The following ELOVL5 variants were observed in gnomAD, a reference collection of about 807,000 sequenced individuals.
The protein encoded by ELOVL5 is ELOVL fatty acid elongase 5, also known as very long chain fatty acid elongase 5.
A neutral mutation model predicts 38.6 loss-of-function variants in ELOVL5; 8 were observed. That is an observed-to-expected ratio of 0.21 (90% CI 0.12 to 0.37). The LOEUF is 0.37. ELOVL5 is among the 10% of genes least tolerant of loss of function. The pLI is 1.00. For synonymous variants in ELOVL5, 127 were observed against 133.7 expected, an observed-to-expected ratio of 0.95 and a Z score of 0.34; for missense variants, 280 against 367.8, an observed-to-expected ratio of 0.76 and a Z score of 1.95.
chr6:53,282,167 A>G (rs533272340), intron 3 of ELOVL5, among the ~76,000 whole-genome samples: 1 of 152,350 alleles, frequency 6.6e-6, no homozygotes, highest in Admixed American at 6.5e-5. Context: ...ATCTTAGGCA[A>G]ATGTTAAGTA....
Position 53,294,596 on chromosome 6 carries a change from A to T in ELOVL5, c.58+1046T>A, listed in dbSNP as rs1766919254. 4 of 1,382,670 alleles carry T rather than the reference A, an allele frequency of 2.9e-6. 1 individual carries two copies. The South Asian group carries it at 5.1e-5, about 18-fold the overall frequency. The allele number at this position is 1,382,670 out of a possible 1,614,324, so 85.7% of individuals were successfully genotyped here. ...GCTCCACCTGGTAATGCAAGCTAAT[A>T]ATTATTATTATTATTTTAGCCATTT... On this transcript the variant is annotated intron_variant, in intron 2 of 7. Transcript: ENST00000304434.
intron 3 of ELOVL5, among the ~76,000 whole-genome samples, chr6:53,287,556 G>GA (rs1433987059): frequency 2.6e-5 from 4 of 151,818 alleles, no homozygotes; most frequent in South Asian, 4.2e-4. Flanking sequence ...GAGGCTGGGA[G>GA]AAAAAAAAAT....
At chr6:53,269,623 C>T (rs1299709925) in intron 7 of ELOVL5, among the ~76,000 whole-genome samples, 3 of 152,216 alleles carry the variant, frequency 2.0e-5, no homozygotes, top group Non-Finnish European at 1.5e-5. Flanking sequence ...CACCTGGCAG[C>T]AGCTCTCTTG....
intron 1 of ELOVL5, among the ~76,000 whole-genome samples, chr6:53,317,276 G>T (rs1768089046): frequency 6.6e-6 from 1 of 152,162 alleles, no homozygotes; most frequent in African/African-American, 2.4e-5. Context: ...GTCTCTCCAA[G>T]AGAACCAGAT....
intron 1 of ELOVL5, among the ~76,000 whole-genome samples, chr6:53,339,437 C>T (rs1370107210): frequency 6.6e-6 from 1 of 152,210 alleles, no homozygotes; most frequent in Non-Finnish European, 1.5e-5. Context: ...GCCTGAACAC[C>T]ATGGCCCAGC....
At chr6:53,348,063 C>T (rs556245407) in intron 1 of ELOVL5, among the ~76,000 whole-genome samples, 18 of 151,644 alleles carry the variant, frequency 1.2e-4, no homozygotes, top group South Asian at 6.3e-4. Flanking sequence ...ACCGCTCCCG[C>T]CTCTCCAGGG....
At chr6:53,297,014 T>C (rs917435818) in intron 1 of ELOVL5, among the ~76,000 whole-genome samples, 1 of 152,172 alleles carries the variant, frequency 6.6e-6, no homozygotes, top group African/African-American at 2.4e-5. Flanking sequence ...AGATGGGACG[T>C]AGAGATAGGA....
intron 1 of ELOVL5, among the ~76,000 whole-genome samples, chr6:53,299,172 A>G (rs1224776986): frequency 6.6e-6 from 1 of 152,232 alleles, no homozygotes; most frequent in East Asian, 1.9e-4. Flanking sequence ...CAGACAGTAG[A>G]ATGATGATAT....
chr6:53,294,405 C>T (rs763351389), intron 2 of ELOVL5: 3 of 1,551,978 alleles, frequency 1.9e-6, no homozygotes, highest in Non-Finnish European at 2.6e-6. Flanking sequence ...TTTTCTTCTT[C>T]CTCTGAATGT....
rs114577427 is a variant in ELOVL5, at chr6:53,275,006, A to C, written c.496+84T>G. The C allele has an allele frequency of 7.7e-4, 1,052 of 1,359,906 alleles. 11 individuals carry two copies. In the African/African-American group the frequency reaches 0.013, roughly 17 times the overall value. 84.2% of individuals were successfully genotyped at this position (1,359,906 alleles called of 1,614,324 possible). ...GAAAGCCTGACCTAGACATTTACAG[A>C]AACAGCACCTTTTCTGAAAGCCTTA... On this transcript the variant is annotated intron_variant, in intron 5 of 7. Coordinates refer to ENST00000304434, the MANE Select transcript of ELOVL5 (RefSeq NM_021814.5).
At chr6:53,326,449 C>T (rs568310697) in intron 1 of ELOVL5, among the ~76,000 whole-genome samples, 5 of 152,262 alleles carry the variant, frequency 3.3e-5, no homozygotes, top group South Asian at 4.1e-4. Context: ...CAACTTCTGC[C>T]GTCCCCTCTT....
At chr6:53,332,813 T>C (rs1327884509) in intron 1 of ELOVL5, among the ~76,000 whole-genome samples, 1 of 152,214 alleles carries the variant, frequency 6.6e-6, no homozygotes, top group African/African-American at 2.4e-5. Context: ...TCAAACTGTA[T>C]CATGTAAGAG....
chr6:53,335,428 A>G (rs1449841412), intron 1 of ELOVL5, among the ~76,000 whole-genome samples: 1 of 152,042 alleles, frequency 6.6e-6, no homozygotes, highest in Non-Finnish European at 1.5e-5. Context: ...CCTTTGCTTC[A>G]ATACCCTGCC....
At chr6:53,285,818 C>T (rs1238007120) in intron 3 of ELOVL5, among the ~76,000 whole-genome samples, 3 of 151,904 alleles carry the variant, frequency 2.0e-5, no homozygotes, top group Admixed American at 6.6e-5. Flanking sequence ...GTTGCCCAGG[C>T]TGGTCTCAAA....
chr6:53,276,688 T>C (rs1006409425), intron 3 of ELOVL5, among the ~76,000 whole-genome samples: 8 of 152,032 alleles, frequency 5.3e-5, no homozygotes, highest in African/African-American at 1.9e-4. Flanking sequence ...TAGTAAAACA[T>C]GGGTCCCTGG....
intron 1 of ELOVL5, among the ~76,000 whole-genome samples, chr6:53,329,023 T>C (rs1168722665): frequency 6.6e-6 from 1 of 152,206 alleles, no homozygotes; most frequent in African/African-American, 2.4e-5. Flanking sequence ...GAAGTTCACA[T>C]GTGAAGGTGA....
chr6:53,274,791 T>C (rs550311117), intron 5 of ELOVL5, among the ~76,000 whole-genome samples: 5 of 152,252 alleles, frequency 3.3e-5, no homozygotes, highest in Non-Finnish European at 5.9e-5. Flanking sequence ...TTCCACACCA[T>C]ACAGAAGGAC....
Position 53,342,030 on chromosome 6 carries a change from C to A in ELOVL5, c.-9+6787G>T, listed in dbSNP as rs114011641. 4.3e-3 allele frequency among the ~76,000 whole-genome samples: 659 copies of A among 152,296 alleles called. 8 individuals are homozygous for A. The highest frequency in any genetic ancestry group is 0.015 in the African/African-American group (636 of 41,554). ...TGCAGGCTGCCAACCCAATCTGCTT[C>A]CCACAGCTGTCCTTACTTAAAAGAA... On this transcript the variant is annotated intron_variant, in intron 1 of 7. Transcript: ENST00000304434.
chr6:53,303,033 G>A (rs1034480120), intron 1 of ELOVL5, among the ~76,000 whole-genome samples: 6 of 151,996 alleles, frequency 3.9e-5, no homozygotes, highest in African/African-American at 4.8e-5. Flanking sequence ...CAGTCAACTC[G>A]TTAACGTTAG....
Sources: gnomAD v4.1 joint callset for allele counts (sites outside exome capture counted in the v4.1 genomes callset) on GRCh38, gnomAD v4.1.1 for gene constraint, MANE v1.5 for transcripts, NCBI Gene and HGNC (gene_info 2026-07-23, HGNC 2026-07-21) for gene names.